SLC25A48: variants seen among roughly 807,000 people sequenced by gnomAD.
SLC25A48 encodes the protein solute carrier family 25 member 48.
A neutral mutation model predicts 32.2 loss-of-function variants in SLC25A48; 29 were observed. That is an observed-to-expected ratio of 0.90 (90% confidence interval 0.67 to 1.23). The LOEUF (loss-of-function observed/expected upper bound fraction) is 1.23, where lower values mean the gene tolerates loss of function less well. Ranked by LOEUF, SLC25A48 falls within the 50% of genes most tolerant of loss-of-function variation. The pLI is 0.00. For missense variants in SLC25A48, 399 were observed against 422.7 expected, an observed-to-expected ratio of 0.94 and a Z score of 0.49; for synonymous variants, 164 against 172.3, an observed-to-expected ratio of 0.95 and a Z score of 0.38.
At chr5:135,799,854 T>C (rs1580893894) in intron 3 of SLC25A48, among the ~76,000 whole-genome samples, 2 of 151,752 alleles carry the variant, frequency 1.3e-5, no homozygotes, top group Non-Finnish European at 2.9e-5. Context: ...AACCCTCTTG[T>C]GACATTGTTC....
chr5:135,651,302 C>T (rs944513360), intron 3 of SLC25A48, among the ~76,000 whole-genome samples: 8 of 152,164 alleles, frequency 5.3e-5, no homozygotes, highest in Non-Finnish European at 1.2e-4. Flanking sequence ...AGCCCCCTCC[C>T]TCTCAACCAT....
rs199534323 is a variant in SLC25A48, at chr5:135,852,779, A to G, written c.379A>G (p.Ile127Val). The change falls in exon 4 of 8, where the codon ATC becomes GTC. Residue 127 changes from isoleucine to valine, a missense_variant. By Grantham distance (29) the Ile-to-Val change is conservative. Transcript: ENST00000681962. ...CGGGCTGGGAGGGCCCGTGGACCTCATCAAGATCCGGTTGCAGATGCAGAC... is the reference window on the plus strand; with the variant it reads ...CGGGCTGGGAGGGCCCGTGGACCTCGTCAAGATCCGGTTGCAGATGCAGAC... ...SVGLGGPVDL[I>V]KIRLQMQTQP... The G allele has an allele frequency of 2.1e-4, 340 of 1,613,488 alleles. 1 individual carries two copies. The African/African-American group carries it at 4.1e-3, about 19-fold the overall frequency.
chr5:135,833,078 C>T (rs954825349), upstream of SLC25A48, among the ~76,000 whole-genome samples: 2 of 152,254 alleles, frequency 1.3e-5, no homozygotes, highest in Non-Finnish European at 2.9e-5. Context: ...GTCTGGGATT[C>T]TCCAGGCCTG....
chr5:135,586,827 A>G (rs1751377218), intron 1 of SLC25A48, among the ~76,000 whole-genome samples: 1 of 152,134 alleles, frequency 6.6e-6, no homozygotes, highest in Admixed American at 6.6e-5. Flanking sequence ...GGTCCTGGGC[A>G]GCTGAGGAGT....
At position 135,669,605 on chromosome 5, in the gene SLC25A48, C is replaced by A. The variant is rs574141632; in HGVS notation, c.-521+34649C>A. ...CAGCTGGGGATTTTATCACCATGCCCACCATCTGTCATTAGTTGAGGGCTG... is the reference window on the plus strand; with the variant it reads ...CAGCTGGGGATTTTATCACCATGCCAACCATCTGTCATTAGTTGAGGGCTG... On this transcript the variant is annotated intron_variant, in intron 3 of 10. Transcript: ENST00000646290. 3.9e-5 allele frequency among the ~76,000 whole-genome samples: 6 copies of A among 152,244 alleles called. No individual in the cohort carries two copies. In the South Asian group the frequency reaches 1.0e-3, roughly 26 times the overall value.
intron 3 of SLC25A48, among the ~76,000 whole-genome samples, chr5:135,713,879 G>A (rs1185989058): frequency 1.3e-5 from 2 of 152,156 alleles, no homozygotes; most frequent in African/African-American, 4.8e-5. Context: ...TCTTCCCCTC[G>A]AGGAGCCTCC....
chr5:135,676,630 C>G (rs1049624107), intron 3 of SLC25A48, among the ~76,000 whole-genome samples: 1 of 151,974 alleles, frequency 6.6e-6, no homozygotes, highest in Admixed American at 6.6e-5. Context: ...ACTGCTTTTG[C>G]AGTATCCCAT....
chr5:135,707,849 T>G (rs889793328), intron 3 of SLC25A48, among the ~76,000 whole-genome samples: 1 of 152,216 alleles, frequency 6.6e-6, no homozygotes, highest in Admixed American at 6.5e-5. Context: ...GGAGCATGAC[T>G]GTCTTGTTGA....
chr5:135,611,833 C>T (rs1260250501), intron 1 of SLC25A48, among the ~76,000 whole-genome samples: 1 of 152,180 alleles, frequency 6.6e-6, no homozygotes, highest in African/African-American at 2.4e-5. Context: ...CCCCCTTATT[C>T]CAACCTCTGC....
At chr5:135,809,373 C>CCATT (rs1012877823) in intron 3 of SLC25A48, among the ~76,000 whole-genome samples, 38 of 152,088 alleles carry the variant, frequency 2.5e-4, no homozygotes, top group Non-Finnish European at 4.7e-4. Flanking sequence ...TTTTAGATAT[C>CCATT]CATTCATTCA....
At chr5:135,851,674 G>A (rs1759878175) in intron 3 of SLC25A48, among the ~76,000 whole-genome samples, 1 of 152,190 alleles carries the variant, frequency 6.6e-6, no homozygotes, top group African/African-American at 2.4e-5. Context: ...TGCGCAGTGA[G>A]GACTAGTGGG....
At chr5:135,691,792 G>A (rs895173078) in intron 3 of SLC25A48, among the ~76,000 whole-genome samples, 8 of 152,206 alleles carry the variant, frequency 5.3e-5, no homozygotes, top group African/African-American at 1.9e-4. Flanking sequence ...CTGGGGTTGT[G>A]TAAGGCTTAA....
intron 3 of SLC25A48, among the ~76,000 whole-genome samples, chr5:135,680,749 C>T (rs772447220): frequency 6.6e-6 from 1 of 152,210 alleles, no homozygotes; most frequent in African/African-American, 2.4e-5. Flanking sequence ...CACCAGGTCC[C>T]TCCCATGACA....
chr5:135,676,321 T>C (rs1009428501), intron 3 of SLC25A48, among the ~76,000 whole-genome samples: 2 of 151,948 alleles, frequency 1.3e-5, no homozygotes, highest in African/African-American at 4.8e-5. Context: ...GTGGTTCAGT[T>C]GTAATGTCTC....
intron 3 of SLC25A48, among the ~76,000 whole-genome samples, chr5:135,702,267 A>T (rs1369079408): frequency 6.6e-6 from 1 of 152,262 alleles, no homozygotes; most frequent in Admixed American, 6.5e-5. Flanking sequence ...AGGTGTAACC[A>T]AGTTAAGACG....
intron 3 of SLC25A48, among the ~76,000 whole-genome samples, chr5:135,766,661 T>C (rs931414529): frequency 5.9e-5 from 8 of 135,234 alleles, no homozygotes; most frequent in African/African-American, 1.7e-4. Flanking sequence ...AGGGTGATAT[T>C]ACTCCCCCAT....
intron 4 of SLC25A48, among the ~76,000 whole-genome samples, chr5:135,818,098 TCTCTCTCTCTCTCTCTCTCTC>T (rs1757781598): frequency 8.2e-6 from 1 of 122,502 alleles, no homozygotes; most frequent in Non-Finnish European, 1.9e-5. Flanking sequence ...TCTCTCTCTC[TCTCTCTCTCTCTCTCTCTCTC>T]CCTCTGTTTC....
At chr5:135,726,941 G>A (rs948123030) in intron 3 of SLC25A48, among the ~76,000 whole-genome samples, 1 of 152,120 alleles carries the variant, frequency 6.6e-6, no homozygotes, top group Non-Finnish European at 1.5e-5. Flanking sequence ...GAGTGATCCA[G>A]TTTCTATAGA....
At chr5:135,640,682 G>T (rs556351958) in intron 3 of SLC25A48, among the ~76,000 whole-genome samples, 83 of 151,962 alleles carry the variant, frequency 5.5e-4, no homozygotes, top group African/African-American at 1.9e-3. Context: ...ATAGAAGCTT[G>T]GTTTACCATT....
Sources: gnomAD v4.1 joint callset for allele counts (sites outside exome capture counted in the v4.1 genomes callset) on GRCh38, gnomAD v4.1.1 for gene constraint, MANE v1.5 for transcripts, NCBI Gene and HGNC (gene_info 2026-07-23, HGNC 2026-07-21) for gene names.